The following LRGUK variants were observed in gnomAD, a reference collection of about 807,000 sequenced individuals.
LRGUK encodes the protein leucine-rich repeat and guanylate kinase domain-containing protein.
LRGUK carries 65 observed loss-of-function variants against 76.0 expected under a neutral mutation model. The ratio of observed to expected loss-of-function variants is 0.85; its 90% CI spans 0.70 to 1.05. LRGUK has a LOEUF of 1.05. Ranked by LOEUF, LRGUK falls within the 50% of genes least tolerant of loss-of-function variation. The pLI, the probability that LRGUK is intolerant of heterozygous loss-of-function variation, is 0.00. For synonymous variants in LRGUK, 268 were observed against 265.6 expected (o/e 1.01, Z -0.09); for missense variants, 758 against 732.8 (o/e 1.03, Z -0.40).
At chr7:134,175,791 C>G (rs1044715439) in intron 8 of LRGUK, among the ~76,000 whole-genome samples, 7 of 152,110 alleles carry the variant, frequency 4.6e-5, no homozygotes, top group African/African-American at 1.4e-4. Context: ...TGGCTTCTTA[C>G]TACAAAAACT....
intron 5 of LRGUK, among the ~76,000 whole-genome samples, chr7:134,156,138 G>A (rs1798447024): frequency 6.6e-6 from 1 of 152,128 alleles, no homozygotes; most frequent in African/African-American, 2.4e-5. Context: ...CAAGCTGATG[G>A]GTAAAGAATG....
chr7:134,275,333 G>C, the LRGUK span, among the ~76,000 whole-genome samples: 1 of 152,038 alleles, frequency 6.6e-6, no homozygotes, highest in East Asian at 1.9e-4. Flanking sequence ...TATGGTAACT[G>C]TCTCATGGTC....
intron 5 of LRGUK, among the ~76,000 whole-genome samples, chr7:134,152,981 A>G (rs1798290029): frequency 6.6e-6 from 1 of 152,084 alleles, no homozygotes. Context: ...ACAACTGAGC[A>G]TAGTTACTGT....
chr7:134,130,901 TATA>T (rs1409997586), intron 1 of LRGUK, among the ~76,000 whole-genome samples: 2 of 152,222 alleles, frequency 1.3e-5, no homozygotes, highest in African/African-American at 2.4e-5. Flanking sequence ...ATGTGGGAAT[TATA>T]ATAATACTTA....
At chr7:134,210,265 T>G (rs183589796), downstream of LRGUK, 4 of 398,820 alleles carry the variant, frequency 1.0e-5, no homozygotes, top group Admixed American at 1.3e-4. Context: ...AGTATTTCAG[T>G]GTGTAACTGT....
At chr7:134,162,520 C>A (rs950248549) in intron 6 of LRGUK, among the ~76,000 whole-genome samples, 1 of 152,002 alleles carries the variant, frequency 6.6e-6, no homozygotes, top group Admixed American at 6.6e-5. Flanking sequence ...ATAGGTCCAG[C>A]CTAGGTTTAA....
At chr7:134,214,230 T>G (rs1801372267), downstream of LRGUK, among the ~76,000 whole-genome samples, 1 of 151,784 alleles carries the variant, frequency 6.6e-6, no homozygotes. Context: ...TTTTTTTTTT[T>G]GTACTGAATT....
intron 16 of LRGUK, among the ~76,000 whole-genome samples, chr7:134,230,598 CAGT>C (rs1801867160): frequency 6.6e-6 from 1 of 152,094 alleles, no homozygotes; most frequent in East Asian, 1.9e-4. Context: ...TGTCCATCAG[CAGT>C]AGAACAGCTA....
intron 16 of LRGUK, among the ~76,000 whole-genome samples, chr7:134,234,000 C>G (rs1044052425): frequency 6.6e-6 from 1 of 152,114 alleles, no homozygotes; most frequent in African/African-American, 2.4e-5. Flanking sequence ...AGCTCATCAG[C>G]TATTGTTAAT....
exon 1 of LRGUK, chr7:134,127,448 C>G (rs1797047930): frequency 8.7e-6 from 14 of 1,613,994 alleles, no homozygotes; most frequent in Non-Finnish European, 1.2e-5. Context: ...GAACTGGAGC[C>G]CGATCGTTAC....
intron 15 of LRGUK, among the ~76,000 whole-genome samples, chr7:134,204,779 G>A (rs1480559730): frequency 6.6e-6 from 1 of 152,196 alleles, no homozygotes; most frequent in African/African-American, 2.4e-5. Flanking sequence ...AGTAGAGCCA[G>A]TGTTCTTCCT....
chr7:134,144,669 A>C (rs1343912054), intron 4 of LRGUK, among the ~76,000 whole-genome samples: 1 of 152,202 alleles, frequency 6.6e-6, no homozygotes, highest in Non-Finnish European at 1.5e-5. Flanking sequence ...CAAATATGAA[A>C]ATCTGTTTGA....
chr7:134,202,295 G>A (rs926579433), intron 15 of LRGUK, among the ~76,000 whole-genome samples: 1 of 149,142 alleles, frequency 6.7e-6, no homozygotes, highest in Non-Finnish European at 1.5e-5. Flanking sequence ...CAACTATTAG[G>A]ATGGCTACTA....
exon 9 of LRGUK, chr7:134,176,988 A>G: frequency 6.3e-7 from 1 of 1,593,756 alleles, no homozygotes; most frequent in East Asian, 2.2e-5. Flanking sequence ...AAAAGTCTGA[A>G]TATTGGTTCT....
chr7:134,195,120 C>T (rs1259212332), intron 12 of LRGUK, among the ~76,000 whole-genome samples: 1 of 152,064 alleles, frequency 6.6e-6, no homozygotes, highest in African/African-American at 2.4e-5. Flanking sequence ...GCCACAAGAT[C>T]AGATGAGCCA....
downstream of LRGUK, among the ~76,000 whole-genome samples, chr7:134,266,103 C>T (rs573777822): frequency 6.6e-5 from 10 of 152,296 alleles, no homozygotes; most frequent in African/African-American, 2.4e-4. Flanking sequence ...CTCTATCTGC[C>T]GGTCATGAGT....
chr7:134,241,712 A>T (rs1469253103), intron 16 of LRGUK, among the ~76,000 whole-genome samples: 2 of 152,198 alleles, frequency 1.3e-5, no homozygotes, highest in Non-Finnish European at 2.9e-5. Context: ...GACCTAAGAG[A>T]CATCTACAGA....
chr7:134,132,274 G>A (rs1393564365), intron 1 of LRGUK, among the ~76,000 whole-genome samples: 1 of 152,124 alleles, frequency 6.6e-6, no homozygotes, highest in African/African-American at 2.4e-5. Context: ...AGGATCACTC[G>A]AGTCCAGGAG....
chr7:134,179,509 A>G (rs1799648833), intron 10 of LRGUK, among the ~76,000 whole-genome samples: 1 of 152,162 alleles, frequency 6.6e-6, no homozygotes, highest in Non-Finnish European at 1.5e-5. Flanking sequence ...GTAGACGTTG[A>G]CAGTTTCACA....
Sources: gnomAD v4.1 joint callset for allele counts (sites outside exome capture counted in the v4.1 genomes callset) on GRCh38, gnomAD v4.1.1 for gene constraint, MANE v1.5 for transcripts, NCBI Gene and HGNC (gene_info 2026-07-23, HGNC 2026-07-21) for gene names.